The following A1CF variants were observed in gnomAD, a reference collection of about 807,000 sequenced individuals.
A1CF encodes the protein APOBEC1 complementation factor.
Under a neutral mutation model 68.9 loss-of-function variants are expected in A1CF, and 48 were observed. The observed-to-expected ratio is 0.70, with a 90% confidence interval of 0.55 to 0.89. The LOEUF (loss-of-function observed/expected upper bound fraction) is 0.89. Ranked by LOEUF, A1CF falls within the 40% of genes least tolerant of loss-of-function variation. The pLI is 0.00. For missense variants in A1CF, 653 were observed against 718.9 expected (o/e 0.91, Z 1.05); for synonymous variants, 272 against 260.4 (o/e 1.04, Z -0.43).
At chr10:50,876,805 T>C (rs555419609) in intron 1 of A1CF, among the ~76,000 whole-genome samples, 3 of 152,248 alleles carry the variant, frequency 2.0e-5, no homozygotes, top group Non-Finnish European at 4.4e-5. Context: ...ATCTCTTTAT[T>C]TGTATTTATA....
At chr10:50,846,965 G>C (rs1335949279) in intron 3 of A1CF, among the ~76,000 whole-genome samples, 1 of 152,158 alleles carries the variant, frequency 6.6e-6, no homozygotes, top group Non-Finnish European at 1.5e-5. Flanking sequence ...ATTTAAGACA[G>C]GCAATGGGCA....
chr10:50,863,574 G>C (rs1840842193), intron 2 of A1CF, among the ~76,000 whole-genome samples: 1 of 152,132 alleles, frequency 6.6e-6, no homozygotes, highest in Non-Finnish European at 1.5e-5. Flanking sequence ...TAGGGATGTA[G>C]ATGAGAAAAA....
chr10:50,821,278 C>T (rs1353688004), intron 7 of A1CF, among the ~76,000 whole-genome samples: 1 of 152,072 alleles, frequency 6.6e-6, no homozygotes, highest in Non-Finnish European at 1.5e-5. Context: ...AAGTTGCCTG[C>T]CTTGCTGTCA....
intron 8 of A1CF, among the ~76,000 whole-genome samples, chr10:50,818,671 G>T (rs989438056): frequency 6.6e-6 from 1 of 152,178 alleles, no homozygotes; most frequent in Non-Finnish European, 1.5e-5. Context: ...CAATGAAGAT[G>T]AAATAATGCT....
At chr10:50,881,415 T>C (rs1020066716) in intron 1 of A1CF, among the ~76,000 whole-genome samples, 3 of 152,210 alleles carry the variant, frequency 2.0e-5, no homozygotes, top group African/African-American at 4.8e-5. Context: ...ATCAGATTTG[T>C]ACAATTGGAA....
At chr10:50,820,473 G>A in intron 8 of A1CF, 79 bp downstream of exon 8, 2 of 1,233,902 alleles carry the variant, frequency 1.6e-6, no homozygotes, top group Non-Finnish European at 2.3e-6. Flanking sequence ...AGACAGGCTT[G>A]CAGGACTGTG....
In A1CF at chr10:50,816,030, T is replaced by C. The variant is rs750657149; in HGVS notation, c.1117A>G (p.Ile373Val). The change falls in exon 9 of 13, where the codon ATT becomes GTT. Residue 373 changes from isoleucine to valine, a missense_variant. Physicochemically the swap from Ile to Val is conservative, Grantham distance 29. Transcript: ENST00000373997. Reference protein sequence around the residue: ...ATKGHLSNRAIIRAPSVRGAA... With the variant: ...ATKGHLSNRAVIRAPSVRGAA... ...CCTCTAACAGAAGGGGCTCGGATAA[T>C]GGCTCTGTTGCTGAGATGTCCTTTG... 2.5e-6 allele frequency: 4 copies of C among 1,613,734 alleles called. No homozygotes were observed. The highest frequency in any genetic ancestry group is 2.7e-5 in the African/African-American group (2 of 75,020).
intron 1 of A1CF, among the ~76,000 whole-genome samples, chr10:50,867,220 C>T (rs1001241648): frequency 2.6e-5 from 4 of 151,936 alleles, no homozygotes; most frequent in African/African-American, 9.7e-5. Flanking sequence ...TACCTGCACT[C>T]ATATGTTTAT....
At chr10:50,857,926 C>T (rs1840563846) in intron 3 of A1CF, among the ~76,000 whole-genome samples, 1 of 152,146 alleles carries the variant, frequency 6.6e-6, no homozygotes, top group Non-Finnish European at 1.5e-5. Flanking sequence ...GTCTGAAGAT[C>T]GTAAAAAGAA....
At chr10:50,868,186 T>C (rs191883258) in intron 1 of A1CF, among the ~76,000 whole-genome samples, 6 of 152,202 alleles carry the variant, frequency 3.9e-5, no homozygotes, top group Non-Finnish European at 7.3e-5. Flanking sequence ...ACAAGTGGTT[T>C]TAGCACGAAT....
intron 1 of A1CF, among the ~76,000 whole-genome samples, chr10:50,883,439 G>A (rs1055667557): frequency 1.3e-5 from 2 of 152,104 alleles, no homozygotes; most frequent in Admixed American, 1.3e-4. Flanking sequence ...TAGCTGTGTC[G>A]AGGCACAAAG....
intron 3 of A1CF, among the ~76,000 whole-genome samples, chr10:50,849,413 A>G (rs1167282530): frequency 6.6e-6 from 1 of 152,228 alleles, no homozygotes; most frequent in Non-Finnish European, 1.5e-5. Context: ...TACAAGATGT[A>G]TGCAACTTGA....
chr10:50,870,902 G>A lies in A1CF; in HGVS notation c.-93-6822C>T, dbSNP rs10994786. Reference sequence around the variant, plus strand: ...ATAATAATATACAATGAACAAGATGGGATCACTACAAAAATATAAAGTTTA... The same window carrying A: ...ATAATAATATACAATGAACAAGATGAGATCACTACAAAAATATAAAGTTTA... On this transcript the variant is annotated intron_variant, in intron 1 of 12. Coordinates refer to ENST00000373997, the MANE Select transcript of A1CF (RefSeq NM_014576.4). 2.6e-5 allele frequency among the ~76,000 whole-genome samples: 4 copies of A among 151,310 alleles called. No homozygotes were observed. In the South Asian group the frequency reaches 8.3e-4, roughly 32 times the overall value.
chr10:50,827,871 CA>C (rs1412490825), intron 7 of A1CF, among the ~76,000 whole-genome samples: 1 of 151,640 alleles, frequency 6.6e-6, no homozygotes, highest in East Asian at 1.9e-4. Flanking sequence ...AAAAGATCAA[CA>C]AAATTGATAG....
intron 2 of A1CF, among the ~76,000 whole-genome samples, chr10:50,861,960 A>T (rs1840767488): frequency 6.6e-6 from 1 of 150,638 alleles, no homozygotes; most frequent in Non-Finnish European, 1.5e-5. Context: ...AATAATAGTA[A>T]TACTATAGTA....
In A1CF at chr10:50,828,188, G is replaced by T. The variant is rs140764220; in HGVS notation, c.712C>A (p.Leu238Ile). The change falls in exon 7 of 13, where the codon CTT (leucine) becomes ATT (isoleucine). Residue 238 changes from leucine (L) to isoleucine (I), a missense_variant. Coordinates refer to ENST00000373997, the MANE Select transcript of A1CF (RefSeq NM_014576.4). ...ATCTCTTCAGAGGTAGACAGCATAA[G>T]ATTTCTTACATATAGGATTTTCACT... ...SSVKILYVRN[L>I]MLSTSEEMIE... 4 of 1,608,836 alleles carry T rather than the reference G, an allele frequency of 2.5e-6. No individual in the cohort carries two copies. The African/African-American group carries it at 5.3e-5, about 22-fold the overall frequency.
At chr10:50,860,055 G>C in intron 2 of A1CF, 70 bp from the exon 3 acceptor site, 1 of 756,460 alleles carries the variant, frequency 1.3e-6, no homozygotes, top group East Asian at 2.7e-5. Context: ...TTTCATGAAG[G>C]ACATCTTTAG....
chr10:50,860,855 T>C (rs1446292542), intron 2 of A1CF, among the ~76,000 whole-genome samples: 1 of 152,176 alleles, frequency 6.6e-6, no homozygotes, highest in Non-Finnish European at 1.5e-5. Context: ...TGTGAGGCCC[T>C]GGAAGTTCCC....
At position 50,856,582 on chromosome 10, in the gene A1CF, A is replaced by G. The variant is rs140067674; in HGVS notation, c.99+3260T>C. ...ATTGCAATCTTAAAAGTCACATTATAACAACTCTCAGTTTTCTGAGTCTAA... is the reference window on the plus strand; with the variant it reads ...ATTGCAATCTTAAAAGTCACATTATGACAACTCTCAGTTTTCTGAGTCTAA... On this transcript the variant is annotated intron_variant, in intron 3 of 12. Transcript: ENST00000373997. Among the ~76,000 whole-genome samples the G allele has an allele frequency of 6.6e-4, 101 of 152,206 alleles. No individual in the cohort carries two copies. In the East Asian group the frequency reaches 0.017, roughly 26 times the overall value.
Sources: allele counts gnomAD v4.1 joint callset (sites outside exome capture counted in the v4.1 genomes callset), GRCh38; gene constraint gnomAD v4.1.1; transcripts MANE v1.5; gene names NCBI Gene and HGNC (gene_info 2026-07-23, HGNC 2026-07-21).